Variants in CD99L2 observed in about 807,000 individuals in gnomAD.
CD99L2 encodes the protein CD99 antigen-like protein 2.
Under a neutral mutation model 27.3 loss-of-function variants are expected in CD99L2, and 24 were observed. The observed-to-expected ratio is 0.88, with a 90% CI of 0.64 to 1.24. CD99L2 has a LOEUF of 1.24. CD99L2 is among the 50% of genes most tolerant of loss of function. The probability of loss-of-function intolerance (pLI) is 0.00; values close to 1 mark genes in which losing one functional copy is unlikely to be tolerated. For synonymous variants in CD99L2, 97 were observed against 87.9 expected, an observed-to-expected ratio of 1.10 and a Z score of -0.58; for missense variants, 255 against 221.6, an observed-to-expected ratio of 1.15 and a Z score of -0.96.
intron 1 of CD99L2, among the ~76,000 whole-genome samples, chrX:150,850,196 G>C (rs2046768175): frequency 8.9e-6 from 1 of 111,965 alleles, no homozygotes; most frequent in Non-Finnish European, 1.9e-5. Flanking sequence ...GGAGAGGGAA[G>C]CAGGAGGAGC....
chrX:150,786,540 C>T (rs2045598076), intron 7 of CD99L2, among the ~76,000 whole-genome samples: 1 of 111,409 alleles, frequency 9.0e-6, no homozygotes, highest in South Asian at 3.7e-4. Flanking sequence ...TAAGTTGTTG[C>T]AAAGGACGTG....
intron 7 of CD99L2, among the ~76,000 whole-genome samples, chrX:150,782,031 G>A (rs1557419443): frequency 1.8e-5 from 2 of 111,959 alleles, no homozygotes; most frequent in Non-Finnish European, 3.8e-5. Flanking sequence ...TGGGCTCACC[G>A]TGAGTGCCTG....
intron 1 of CD99L2, among the ~76,000 whole-genome samples, chrX:150,877,135 AAAG>A (rs1372865231): frequency 4.6e-5 from 5 of 109,470 alleles, no homozygotes; most frequent in Admixed American, 4.0e-4. Context: ...AAAAAAAAAA[AAAG>A]AAAGAAAGAA....
At chrX:150,803,878 AC>A (rs1185420981) in intron 4 of CD99L2, among the ~76,000 whole-genome samples, 1 of 112,375 alleles carries the variant, frequency 8.9e-6, no homozygotes, top group Non-Finnish European at 1.9e-5. Context: ...ACAATTGACA[AC>A]AAAGCCACGT....
chrX:150,857,730 A>G (rs1557421801), intron 1 of CD99L2, among the ~76,000 whole-genome samples: 3 of 112,313 alleles, frequency 2.7e-5, no homozygotes, highest in African/African-American at 9.7e-5. Context: ...TGGTACCACT[A>G]CAGATAGCCA....
chrX:150,783,463 A>G (rs1557419476), intron 7 of CD99L2, among the ~76,000 whole-genome samples: 2 of 111,289 alleles, frequency 1.8e-5, no homozygotes, highest in African/African-American at 6.5e-5. Flanking sequence ...ACATCTCCAG[A>G]TAGCCTCTGT....
rs374445547 is a variant in CD99L2 at position 150,814,890 on chromosome X, G to C, written c.249C>G (p.Gly83=). Reference sequence around the variant, plus strand: ...TTCCTCCTATACCCGGTTTCCTGCGGCCATCATCTTGATCATCCAAAGCAT... The same window carrying C: ...TTCCTCCTATACCCGGTTTCCTGCGCCCATCATCTTGATCATCCAAAGCAT... ...LADALDDQDD[G]RRKPGIGGRE... The change falls in exon 4 of 11, where the codon GGC becomes GGG. Residue 83 remains glycine (G), a synonymous_variant. Transcript: ENST00000370377. 8.3e-7 allele frequency: 1 copy of C among 1,208,979 alleles called. No homozygotes were observed. Among genetic ancestry groups the C allele is most frequent in the African/African-American group, 1.8e-5 (1 of 57,093 alleles).
chrX:150,824,380 GA>G (rs1483927388), intron 2 of CD99L2, among the ~76,000 whole-genome samples: 1 of 77,885 alleles, frequency 1.3e-5, no homozygotes, highest in African/African-American at 5.0e-5. Flanking sequence ...AGAAGAAGAA[GA>G]AAGAAGAAGA....
chrX:150,796,610 C>T (rs374185748), intron 4 of CD99L2, among the ~76,000 whole-genome samples: 1 of 112,211 alleles, frequency 8.9e-6, no homozygotes, highest in African/African-American at 3.2e-5. Flanking sequence ...AGAAAATCTA[C>T]AAGGATATTG....
At chrX:150,824,004 A>AGAGGAG (rs1222841754) in intron 2 of CD99L2, among the ~76,000 whole-genome samples, 3 of 102,373 alleles carry the variant, frequency 2.9e-5, no homozygotes, top group Non-Finnish European at 4.0e-5. Context: ...AAGAAGAAGA[A>AGAGGAG]GAGGAGGAGG....
chrX:150,867,562 G>A (rs1278679237), intron 1 of CD99L2, among the ~76,000 whole-genome samples: 1 of 110,445 alleles, frequency 9.1e-6, no homozygotes, highest in Non-Finnish European at 1.9e-5. Context: ...TCAGGAGTTC[G>A]AGACCAGCCT....
At chrX:150,792,873 T>C (rs1557419751) in intron 7 of CD99L2, among the ~76,000 whole-genome samples, 1 of 112,315 alleles carries the variant, frequency 8.9e-6, no homozygotes, top group East Asian at 2.8e-4. Flanking sequence ...ATGTATACTA[T>C]GATAAAAGGT....
Position 150,771,963 on chromosome X carries a change from G to C in CD99L2, c.656-1594C>G, listed in dbSNP as rs1318766255. 4.8e-6 allele frequency: 3 copies of C among 625,139 alleles called. No homozygotes were observed. The East Asian group carries it at 1.1e-4, about 22-fold the overall frequency. The allele number at this position is 625,139 out of a possible 1,213,427, so 51.5% of individuals were successfully genotyped here. On this transcript the variant is annotated intron_variant, in intron 9 of 10. Transcript: ENST00000370377. ...GCCTTTTGGCAGCAGCAGAGGCCGA[G>C]AGCACCTGAGGGCCACAGTGGTGGG...
intron 9 of CD99L2, among the ~76,000 whole-genome samples, chrX:150,772,807 T>C (rs868930584): frequency 4.5e-5 from 5 of 110,046 alleles, no homozygotes; most frequent in African/African-American, 1.3e-4. Flanking sequence ...TGCACGGACA[T>C]GAGGTGGGGG....
At chrX:150,804,551 C>A (rs1450547387) in intron 4 of CD99L2, among the ~76,000 whole-genome samples, 1 of 110,360 alleles carries the variant, frequency 9.1e-6, no homozygotes, top group African/African-American at 3.3e-5. Context: ...TCGAGAACAG[C>A]CTGGCCAAGA....
chrX:150,882,320 C>T (rs2047342984), intron 1 of CD99L2, among the ~76,000 whole-genome samples: 1 of 112,246 alleles, frequency 8.9e-6, no homozygotes, highest in Non-Finnish European at 1.9e-5. Context: ...CTGCCTCTCC[C>T]TCCCACCCTG....
intron 7 of CD99L2, 111 bp from the exon 8 acceptor site, chrX:150,777,593 C>G: frequency 1.3e-6 from 1 of 778,063 alleles, no homozygotes; most frequent in Non-Finnish European, 1.9e-6. Flanking sequence ...ACCTATGCGA[C>G]AAGACCCCCA....
In CD99L2 at chrX:150,814,895, C is replaced by T. The variant is rs782046038; in HGVS notation, c.244G>A (p.Asp82Asn). The change falls in exon 4 of 11, where the codon GAT (aspartate) becomes AAT (asparagine). Residue 82 changes from aspartate (D) to asparagine (N), a missense_variant. Physicochemically the swap from Asp to Asn is conservative, Grantham distance 23. Transcript: ENST00000370377. The stretch of plus-strand genomic sequence containing the variant: ...CCTATACCCGGTTTCCTGCGGCCAT[C>T]ATCTTGATCATCCAAAGCATCAGCC... The part of the protein sequence containing the change: ...DLADALDDQD[D>N]GRRKPGIGGR... The T allele has an allele frequency of 8.3e-7, 1 of 1,211,371 alleles. No homozygotes were observed. Among genetic ancestry groups the T allele is most frequent in the Admixed American group, 2.2e-5 (1 of 45,998 alleles).
At chrX:150,831,082 T>A in intron 2 of CD99L2, 149 bp downstream of exon 2, 1 of 464,059 alleles carries the variant, frequency 2.2e-6, no homozygotes, top group Non-Finnish European at 3.5e-6. Flanking sequence ...TTGCTGGGAT[T>A]ACAGGCGTGA....
Sources: gnomAD v4.1 joint callset for allele counts (sites outside exome capture counted in the v4.1 genomes callset) on GRCh38, gnomAD v4.1.1 for gene constraint, MANE v1.5 for transcripts, NCBI Gene and HGNC (gene_info 2026-07-23, HGNC 2026-07-21) for gene names.